The following HCN3 variants were observed in gnomAD, a reference collection of about 807,000 sequenced individuals.
HCN3 encodes the protein hyperpolarization activated cyclic nucleotide gated potassium channel 3.
HCN3 carries 36 observed loss-of-function variants against 56.8 expected under a neutral mutation model. The ratio of observed to expected loss-of-function variants is 0.63; its 90% CI spans 0.49 to 0.84. The LOEUF (loss-of-function observed/expected upper bound fraction) is 0.84, where lower values mean the gene tolerates loss of function less well. Ranked by LOEUF, HCN3 falls within the 40% of genes least tolerant of loss-of-function variation. The probability of loss-of-function intolerance (pLI) is 0.00; values close to 1 mark genes in which losing one functional copy is unlikely to be tolerated. For synonymous variants in HCN3, 425 were observed against 439.7 expected (o/e 0.97, Z 0.42); for missense variants, 930 against 1,079.3 (o/e 0.86, Z 1.94).
Position 155,284,058 on chromosome 1 carries a change from G to T in HCN3, c.793G>T (p.Asp265Tyr), listed in dbSNP as rs749649500. Residue 265 changes from aspartate (D) to tyrosine (Y), a missense_variant, in exon 3 of 8, where the codon GAT becomes TAT. Transcript: ENST00000368358. The surrounding 1 kb of genome is among the most constrained non-coding windows in gnomAD (Gnocchi z 4.3). ...IGMMLLLCHW[D>Y]GCLQFLVPML... ...GATGATGCTGCTGCTATGTCACTGG[G>T]ATGGCTGTCTGCAGTTCCTGGTGCC... The T allele has an allele frequency of 6.2e-7, 1 of 1,614,166 alleles. No individual in the cohort carries two copies. Among genetic ancestry groups the T allele is most frequent in the Non-Finnish European group, 8.5e-7 (1 of 1,180,016 alleles).
chr1:155,279,206 G>T (rs7551854), intron 1 of HCN3, among the ~76,000 whole-genome samples: 3,026 of 152,290 alleles, frequency 0.02, 96 homozygotes, highest in African/African-American at 0.069. Context: ...TTGACACTGG[G>T]ATTAGGTGTG....
At position 155,285,423 on chromosome 1, in the gene HCN3, GC is replaced by G; in HGVS notation, c.1236+116del. 7.1e-7 allele frequency: 1 copy of G among 1,405,054 alleles called. No homozygotes were observed. Among genetic ancestry groups the G allele is most frequent in the Non-Finnish European group, 9.6e-7 (1 of 1,045,938 alleles). 87.0% of individuals were successfully genotyped at this position (1,405,054 alleles called of 1,614,324 possible). On this transcript the variant is annotated intron_variant, in intron 5 of 7. Transcript: ENST00000368358. The surrounding 1 kb of genome is among the most constrained non-coding windows in gnomAD (Gnocchi z 4.5). ...CTATAGGGAATGAGGCCTGCAGAGG[GC>G]CCCGTGGGAGGCCAGGTATTTGGGC...
intron 1 of HCN3, 73 bp downstream of exon 1, chr1:155,277,941 C>T: frequency 6.6e-7 from 1 of 1,517,682 alleles, no homozygotes; most frequent in Non-Finnish European, 8.9e-7. Flanking sequence ...GGGACCCGGC[C>T]CGCCCCACCC....
In HCN3 at chr1:155,284,106, G is replaced by A. The variant is rs368797420; in HGVS notation, c.841G>A (p.Asp281Asn). ...GCCCATGCTGCAGGACTTCCCTCCC[G>A]ACTGCTGGGTCTCCATCAACCACAT... ...LVPMLQDFPPDCWVSINHMVN... is the reference protein window; with the variant it reads ...LVPMLQDFPPNCWVSINHMVN... Residue 281 changes from aspartate to asparagine, a missense_variant, in exon 3 of 8, where the codon GAC becomes AAC. Coordinates refer to ENST00000368358, the MANE Select transcript of HCN3 (RefSeq NM_020897.3). The surrounding 1 kb of genome is among the most constrained non-coding windows in gnomAD (Gnocchi z 4.3). 69 of 1,614,022 alleles carry A rather than the reference G, an allele frequency of 4.3e-5. No individual in the cohort carries two copies. The highest frequency in any genetic ancestry group is 4.7e-5 in the Non-Finnish European group (55 of 1,179,996).
chr1:155,280,808 G>A (rs1331807933), intron 1 of HCN3, among the ~76,000 whole-genome samples: 25 of 121,742 alleles, frequency 2.1e-4, no homozygotes, highest in Admixed American at 2.0e-3. Context: ...AGGCTGGAGT[G>A]CAATGGCGCA....
chr1:155,281,069 A>ATTTT (rs1195938967), intron 1 of HCN3, among the ~76,000 whole-genome samples: 1 of 112,492 alleles, frequency 8.9e-6, no homozygotes, highest in African/African-American at 3.4e-5. Flanking sequence ...CTAATTTTTA[A>ATTTT]TTTTTTTTTT....
rs377262261 is a variant in HCN3, at chr1:155,284,513, G to T, written c.871-26G>T. ...TGAGGCTCCGAGGGGCCCATGCCCA[G>T]CTCTGCAATATACTCTGCCCCTCAG... On this transcript the variant is annotated intron_variant, in intron 3 of 7. Coordinates refer to ENST00000368358, the MANE Select transcript of HCN3 (RefSeq NM_020897.3). This position sits in a 1 kb window ranked among gnomAD's most constrained non-coding sequence, Gnocchi z 4.3. The T allele has an allele frequency of 1.3e-6, 2 of 1,594,938 alleles. No homozygotes were observed. Among genetic ancestry groups the T allele is most frequent in the Non-Finnish European group, 1.7e-6 (2 of 1,166,810 alleles).
At chr1:155,277,987 G>C in intron 1 of HCN3, 119 bp downstream of exon 1, 1 of 1,266,664 alleles carries the variant, frequency 7.9e-7, no homozygotes, top group South Asian at 1.4e-5. Flanking sequence ...GGGGTCCCTT[G>C]GTGGGGCGGG....
Position 155,285,089 on chromosome 1 carries a change from G to GCA in HCN3, c.1090-68_1090-67dup, listed in dbSNP as rs1674223388. ...GTTTGACCTGTGTCTCTGACCTTCC[G>GCA]CACACACACCCCACTGTGCCGGCCC... On this transcript the variant is annotated intron_variant, in intron 4 of 7. Coordinates refer to ENST00000368358, the MANE Select transcript of HCN3 (RefSeq NM_020897.3). The surrounding 1 kb of genome is among the most constrained non-coding windows in gnomAD (Gnocchi z 4.5). 3.9e-6 allele frequency: 6 copies of GCA among 1,541,282 alleles called. No individual in the cohort carries two copies. In the Admixed American group the frequency reaches 7.3e-5, roughly 19 times the overall value.
In HCN3 at chr1:155,284,824, G is replaced by A; in HGVS notation, c.1089+67G>A. On this transcript the variant is annotated intron_variant, in intron 4 of 7. Transcript: ENST00000368358. The surrounding 1 kb of genome is among the most constrained non-coding windows in gnomAD (Gnocchi z 4.3). ...TTGGAGACTGGGTAGCCTGACTTGA[G>A]GCCCATTCTGATGTGTGCCCCTGTT... 3 of 1,396,092 alleles carry A rather than the reference G, an allele frequency of 2.1e-6. No individual in the cohort carries two copies. The highest frequency in any genetic ancestry group is 2.4e-5 in the East Asian group (1 of 41,022). 86.5% of individuals were successfully genotyped at this position (1,396,092 alleles called of 1,614,324 possible). A position where few individuals can be genotyped will look rare whatever the true frequency, so the allele number is the denominator to read the frequency against.
At position 155,277,606 on chromosome 1, in the gene HCN3, C is replaced by T; in HGVS notation, c.16C>T (p.Arg6Trp). 2 of 1,558,272 alleles carry T rather than the reference C, an allele frequency of 1.3e-6. No individual in the cohort carries two copies. The highest frequency in any genetic ancestry group is 1.7e-6 in the Non-Finnish European group (2 of 1,152,392). MEAEQRPAAGASEGAT... is the reference protein window; with the variant it reads MEAEQWPAAGASEGAT... ...GGTGGGCGCCATGGAGGCAGAGCAGCGGCCGGCGGCGGGGGCCAGCGAAGG... is the reference window on the plus strand; with the variant it reads ...GGTGGGCGCCATGGAGGCAGAGCAGTGGCCGGCGGCGGGGGCCAGCGAAGG... Residue 6 changes from arginine to tryptophan, a missense_variant, in exon 1 of 8, where the codon CGG becomes TGG. By Grantham distance (101) the Arg-to-Trp change is moderately radical. Transcript: ENST00000368358.
At position 155,277,468 on chromosome 1, in the gene HCN3, C is replaced by T. The variant is rs958044347; in HGVS notation, c.-123C>T. On this transcript the variant is annotated 5_prime_UTR_variant, in exon 1 of 8. Coordinates refer to ENST00000368358, the MANE Select transcript of HCN3 (RefSeq NM_020897.3). ...CCTCCGCCCCGCGCGCCGGCGATTC[C>T]GAGCCTACGACGCCTCCGCTAGAGC... The T allele has an allele frequency of 3.2e-6, 4 of 1,256,232 alleles. No homozygotes were observed. The African/African-American group carries it at 4.6e-5, about 14-fold the overall frequency. 77.8% of individuals were successfully genotyped at this position (1,256,232 alleles called of 1,614,324 possible). A position where few individuals can be genotyped will look rare whatever the true frequency, so the allele number is the denominator to read the frequency against.
chr1:155,277,733 A>G lies in HCN3; in HGVS notation c.143A>G (p.His48Arg). The part of the protein sequence containing the change: ...PKSGPEPKRR[H>R]LGTLLQPTVN... ...TCTGGGCCTGAGCCTAAGAGGAGGC[A>G]CCTTGGGACGCTGCTCCAGCCTACG... is the stretch of plus-strand genomic sequence containing the variant. Residue 48 changes from histidine to arginine, a missense_variant, in exon 1 of 8, where the codon CAC (histidine) becomes CGC (arginine). His to Arg is a conservative substitution (Grantham distance 29). Transcript: ENST00000368358. 1 of 1,596,854 alleles carries G rather than the reference A, an allele frequency of 6.3e-7. No homozygotes were observed. The highest frequency in any genetic ancestry group is 2.3e-5 in the East Asian group (1 of 44,054).
In HCN3 at chr1:155,277,796, A is replaced by G. The variant is rs61812063; in HGVS notation, c.206A>G (p.Lys69Arg). The G allele has an allele frequency of 0.018, 28,635 of 1,612,506 alleles. 313 individuals are homozygous for G. Among genetic ancestry groups the G allele is most frequent in the Non-Finnish European group, 0.022 (25,612 of 1,179,838 alleles). ...TCCCTTCGGGTGTTCGGCAGCCACA[A>G]AGCAGTGGAAATCGAGCAGGAGCGG... ...KFSLRVFGSH[K>R]AVEIEQERVK... The change falls in exon 1 of 8, where the codon AAA (lysine) becomes AGA (arginine). Residue 69 changes from lysine (K) to arginine (R), a missense_variant. Transcript: ENST00000368358.
At chr1:155,279,567 G>A (rs920902258) in intron 1 of HCN3, among the ~76,000 whole-genome samples, 3 of 152,220 alleles carry the variant, frequency 2.0e-5, no homozygotes, top group African/African-American at 7.2e-5. Flanking sequence ...CTGAGACATG[G>A]ATGAGCAAAC....
In HCN3 at chr1:155,282,671, C is replaced by T. The variant is rs1674106983; in HGVS notation, c.539C>T (p.Ser180Phe). ...TGGTTCCTGGTTGACCTCATCTCTTCTATCCCTGTGGATTACATCTTCCTA... is the reference window on the plus strand; with the variant it reads ...TGGTTCCTGGTTGACCTCATCTCTTTTATCCCTGTGGATTACATCTTCCTA... The part of the protein sequence containing the change: ...RTWFLVDLIS[S>F]IPVDYIFLVV... The change falls in exon 2 of 8, where the codon TCT (serine) becomes TTT (phenylalanine). Residue 180 changes from serine to phenylalanine, a missense_variant. Transcript: ENST00000368358. The surrounding 1 kb of genome is among the most constrained non-coding windows in gnomAD (Gnocchi z 4.7). 9 of 1,614,260 alleles carry T rather than the reference C, an allele frequency of 5.6e-6. No individual in the cohort carries two copies. Among genetic ancestry groups the T allele is most frequent in the Non-Finnish European group, 7.6e-6 (9 of 1,180,050 alleles).
intron 6 of HCN3, 101 bp from the exon 7 acceptor site, chr1:155,287,072 T>G (rs372911859): frequency 7.3e-7 from 1 of 1,374,022 alleles, no homozygotes. Context: ...CTCCCAAGTC[T>G]AGGGAGGAGC....
rs909790979 is a variant in HCN3 at position 155,277,501 on chromosome 1, G to A, written c.-90G>A. 5 of 1,422,018 alleles carry A rather than the reference G, an allele frequency of 3.5e-6. No homozygotes were observed. The highest frequency in any genetic ancestry group is 4.6e-6 in the Non-Finnish European group (5 of 1,078,684). 88.1% of individuals were successfully genotyped at this position (1,422,018 alleles called of 1,614,324 possible). On this transcript the variant is annotated 5_prime_UTR_variant, in exon 1 of 8. Coordinates refer to ENST00000368358, the MANE Select transcript of HCN3 (RefSeq NM_020897.3). ...CGACGCCTCCGCTAGAGCCCGCGGG[G>A]CTGCGCCGACTCCTGCTCTGGAGGG...
intron 1 of HCN3, among the ~76,000 whole-genome samples, chr1:155,280,436 A>AT (rs58042846): frequency 1.5e-3 from 197 of 131,554 alleles, no homozygotes; most frequent in Non-Finnish European, 1.9e-3. Context: ...CACCTGGCTA[A>AT]TTTTTTTTTT....
Sources: allele counts gnomAD v4.1 joint callset (sites outside exome capture counted in the v4.1 genomes callset), GRCh38; gene constraint gnomAD v4.1.1; non-coding constraint Gnocchi (gnomAD v3.1); transcripts MANE v1.5; gene names NCBI Gene and HGNC (gene_info 2026-07-23, HGNC 2026-07-21).